Variants in QTGAL observed in about 807,000 individuals in gnomAD.
QTGAL encodes the protein BGnT-like protein 1.
At chr17:82,959,015 G>A in the QTGAL span, among the ~76,000 whole-genome samples, 2 of 25,486 alleles carry the variant, frequency 7.8e-5, 1 homozygote, top group African/African-American at 5.0e-4. Context: ...CTGTGTGGGG[G>A]TGTATGGTGT....
At chr17:83,001,420 G>A in the QTGAL span, among the ~76,000 whole-genome samples, 4 of 152,142 alleles carry the variant, frequency 2.6e-5, no homozygotes. Context: ...ACCAGAAACT[G>A]TGAAGAAAAA....
the QTGAL span, chr17:82,961,265 C>T: frequency 2.0e-5 from 30 of 1,515,228 alleles, no homozygotes; most frequent in South Asian, 3.6e-5. Context: ...TGCGCTCAGC[C>T]GGCCAACCAG....
At chr17:82,954,833 C>T in the QTGAL span, among the ~76,000 whole-genome samples, 4 of 152,198 alleles carry the variant, frequency 2.6e-5, no homozygotes, top group African/African-American at 9.7e-5. Context: ...CACCACACAT[C>T]TACAACCATC....
At chr17:82,960,089 C>T in the QTGAL span, among the ~76,000 whole-genome samples, 7 of 152,300 alleles carry the variant, frequency 4.6e-5, no homozygotes, top group South Asian at 2.1e-4. Context: ...CATGAGGAGG[C>T]GGCCAAGGTG....
the QTGAL span, among the ~76,000 whole-genome samples, chr17:82,988,909 G>A: frequency 6.6e-6 from 1 of 152,226 alleles, no homozygotes; most frequent in Non-Finnish European, 1.5e-5. Context: ...TGGTGGGAAT[G>A]TAAATTAGTC....
At chr17:82,950,132 C>A in the QTGAL span, among the ~76,000 whole-genome samples, 2 of 152,196 alleles carry the variant, frequency 1.3e-5, no homozygotes, top group Non-Finnish European at 2.9e-5. Flanking sequence ...TGCTGTGAGG[C>A]CACACTGCCA....
chr17:82,980,632 T>C, the QTGAL span, among the ~76,000 whole-genome samples: 1 of 152,304 alleles, frequency 6.6e-6, no homozygotes, highest in African/African-American at 2.4e-5. Flanking sequence ...AAAAGAATGT[T>C]ATTCAAGGAT....
At chr17:82,942,816 G>A in the QTGAL span, 3 of 388,654 alleles carry the variant, frequency 7.7e-6, no homozygotes, top group Non-Finnish European at 1.4e-5. Context: ...TGGAGACCAG[G>A]CCCCCTTCTT....
At chr17:83,010,889 C>T in the QTGAL span, among the ~76,000 whole-genome samples, 3 of 152,208 alleles carry the variant, frequency 2.0e-5, no homozygotes, top group Admixed American at 6.5e-5. Flanking sequence ...TGTTCCTCCG[C>T]GTCGCTTCCC....
At chr17:82,983,811 A>G in the QTGAL span, among the ~76,000 whole-genome samples, 1 of 152,234 alleles carries the variant, frequency 6.6e-6, no homozygotes, top group African/African-American at 2.4e-5. Context: ...TAACGGGTTG[A>G]AGCCCTAACT....
chr17:83,018,787 G>A, the QTGAL span, among the ~76,000 whole-genome samples: 2 of 152,224 alleles, frequency 1.3e-5, no homozygotes, highest in African/African-American at 4.8e-5. Flanking sequence ...GGCCTTTGGA[G>A]GTCCAGTTAC....
chr17:82,966,840 C>A, the QTGAL span, among the ~76,000 whole-genome samples: 1 of 152,144 alleles, frequency 6.6e-6, no homozygotes, highest in African/African-American at 2.4e-5. Flanking sequence ...CCACCAAAGT[C>A]AAATATTTGG....
At chr17:82,949,641 T>G in the QTGAL span, 1 of 152,184 alleles carries the variant, frequency 6.6e-6, no homozygotes, top group Non-Finnish European at 1.5e-5. Context: ...TCAGCTGAAC[T>G]AAGAAAAGAG....
chr17:83,018,198 C>CGTGAACATGT, the QTGAL span, among the ~76,000 whole-genome samples: 2 of 151,296 alleles, frequency 1.3e-5, no homozygotes, highest in East Asian at 2.0e-4. Context: ...ACACATGCTC[C>CGTGAACATGT]ACAAACACGG....
At chr17:83,015,356 TCA>T in the QTGAL span, among the ~76,000 whole-genome samples, 1 of 152,244 alleles carries the variant, frequency 6.6e-6, no homozygotes, top group Non-Finnish European at 1.5e-5. This position sits in a 1 kb window ranked among gnomAD's most constrained non-coding sequence, Gnocchi z 4.4. Context: ...AAAGCCCTAC[TCA>T]CACACACAGA....
chr17:82,969,745 T>G, the QTGAL span, among the ~76,000 whole-genome samples: 1 of 152,152 alleles, frequency 6.6e-6, no homozygotes, highest in Non-Finnish European at 1.5e-5. Context: ...AGTGGCGTGA[T>G]CACAGCTCAC....
chr17:82,991,825 G>A, the QTGAL span, among the ~76,000 whole-genome samples: 1 of 151,942 alleles, frequency 6.6e-6, no homozygotes, highest in Non-Finnish European at 1.5e-5. Context: ...TAACACAGAA[G>A]GTATTCGGAA....
At chr17:83,005,817 T>C in the QTGAL span, 20 of 1,202,924 alleles carry the variant, frequency 1.7e-5, no homozygotes, top group Non-Finnish European at 2.2e-5. This position sits in a 1 kb window ranked among gnomAD's most constrained non-coding sequence, Gnocchi z 5.6. Context: ...CCTCAGAGCA[T>C]CACCTGCCTC....
the QTGAL span, chr17:82,957,524 C>A: frequency 6.3e-7 from 1 of 1,577,582 alleles, no homozygotes; most frequent in Non-Finnish European, 8.6e-7. Context: ...GATAGGCAGG[C>A]CGGAGGCCCC....
Sources: allele counts gnomAD v4.1 joint callset (sites outside exome capture counted in the v4.1 genomes callset), GRCh38; gene constraint gnomAD v4.1.1; non-coding constraint Gnocchi (gnomAD v3.1); transcripts MANE v1.5; gene names NCBI Gene and HGNC (gene_info 2026-07-23, HGNC 2026-07-21).